COX7A2: variants seen among roughly 807,000 people sequenced by gnomAD.
The protein encoded by COX7A2 is cytochrome c oxidase subunit 7A2.
Under a neutral mutation model 11.6 loss-of-function variants are expected in COX7A2, and 11 were observed. The observed-to-expected ratio is 0.95, with a 90% CI of 0.60 to 1.57. The LOEUF is 1.57. Among genes scored for constraint, COX7A2 ranks in the 40% most tolerant of loss-of-function variants. The pLI, the probability that COX7A2 is intolerant of heterozygous loss-of-function variation, is 0.00. For missense variants in COX7A2, 106 were observed against 100.9 expected, an observed-to-expected ratio of 1.05 and a Z score of -0.22; for synonymous variants, 30 against 38.2, an observed-to-expected ratio of 0.78 and a Z score of 0.79.
At chr6:75,243,968 C>G, upstream of COX7A2, 1 of 716,658 alleles carries the variant, frequency 1.4e-6, no homozygotes, top group East Asian at 2.8e-5. Flanking sequence ...TCGTTCCTGA[C>G]CTTTTCGATG....
chr6:75,239,941 A>C (rs1432000505), intron 3 of COX7A2, among the ~76,000 whole-genome samples: 1 of 152,118 alleles, frequency 6.6e-6, no homozygotes, highest in Non-Finnish European at 1.5e-5. Context: ...GTCTCTACTA[A>C]AACTACAAAA....
chr6:75,244,110 A>C, upstream of COX7A2: 1 of 264,534 alleles, frequency 3.8e-6, no homozygotes. Flanking sequence ...TTGAGCGAGA[A>C]GGCGTAAAAC....
At chr6:75,249,073 TG>T (rs1415543283) in intron 1 of COX7A2, among the ~76,000 whole-genome samples, 4 of 152,096 alleles carry the variant, frequency 2.6e-5, no homozygotes, top group African/African-American at 9.7e-5. Context: ...CTGGCCAACA[TG>T]GTGAAACCCC....
At position 75,241,218 on chromosome 6, in the gene COX7A2, C is replaced by A; in HGVS notation, c.66G>T (p.Arg22Ser). The part of the protein sequence containing the change: ...GQRTISTASR[R>S]HFKNKVPEKQ... Reference sequence around the variant, plus strand: ...TCTCCGGAACTTTATTTTTAAAATGCCTGCGGGAAGCAGTGCTTATCGTCC... The same window carrying A: ...TCTCCGGAACTTTATTTTTAAAATGACTGCGGGAAGCAGTGCTTATCGTCC... Residue 22 changes from arginine (R) to serine (S), a missense_variant, in exon 2 of 4, where the codon AGG becomes AGT. By Grantham distance (110) the Arg-to-Ser change is moderately radical. Coordinates refer to ENST00000684430, the MANE Select transcript of COX7A2 (RefSeq NM_001366293.2). The A allele has an allele frequency of 1.3e-6, 2 of 1,596,040 alleles. No individual in the cohort carries two copies. Among genetic ancestry groups the A allele is most frequent in the African/African-American group, 1.3e-5 (1 of 74,926 alleles).
chr6:75,249,664 G>T (rs552116973), intron 1 of COX7A2, among the ~76,000 whole-genome samples: 8 of 152,360 alleles, frequency 5.3e-5, no homozygotes, highest in South Asian at 2.1e-4. Flanking sequence ...AGAAGACAGG[G>T]TGGCCAAATG....
At chr6:75,244,452 G>A (rs1300225693), upstream of COX7A2, among the ~76,000 whole-genome samples, 1 of 152,158 alleles carries the variant, frequency 6.6e-6, no homozygotes, top group Non-Finnish European at 1.5e-5. Context: ...TGGCGAATCT[G>A]GACTCAAAAG....
At chr6:75,243,863 G>A (rs755071531), upstream of COX7A2, 1 of 1,596,270 alleles carries the variant, frequency 6.3e-7, no homozygotes, top group Non-Finnish European at 8.6e-7. Context: ...GCCGAAGAGA[G>A]GCTTGCGCTC....
upstream of COX7A2, among the ~76,000 whole-genome samples, chr6:75,248,622 CAT>C (rs910483538): frequency 1.3e-5 from 2 of 152,220 alleles, no homozygotes; most frequent in African/African-American, 4.8e-5. Flanking sequence ...ACCTTGGGCA[CAT>C]GTTCCCAGGA....
rs771075237 is a variant in COX7A2 at position 75,243,741 on chromosome 6, T to G, written c.-7A>C. On this transcript the variant is annotated 5_prime_UTR_variant, in exon 1 of 4. Coordinates refer to ENST00000684430, the MANE Select transcript of COX7A2 (RefSeq NM_001366293.2). ...CCAGCAGATTCCGCAGCATCTTGGCTGTTACTGACCAGCAACCGCCACAAC... is the reference window on the plus strand; with the variant it reads ...CCAGCAGATTCCGCAGCATCTTGGCGGTTACTGACCAGCAACCGCCACAAC... 6.2e-7 allele frequency: 1 copy of G among 1,613,940 alleles called. No individual in the cohort carries two copies. The highest frequency in any genetic ancestry group is 1.3e-5 in the African/African-American group (1 of 75,034).
At chr6:75,241,142 T>C in intron 2 of COX7A2, 34 bp downstream of exon 2, 2 of 1,573,552 alleles carry the variant, frequency 1.3e-6, no homozygotes, top group Non-Finnish European at 1.7e-6. Flanking sequence ...ATCTAATAAT[T>C]ACAAGTAACA....
At chr6:75,243,415 C>G (rs1452072112) in intron 1 of COX7A2, among the ~76,000 whole-genome samples, 1 of 152,104 alleles carries the variant, frequency 6.6e-6, no homozygotes, top group African/African-American at 2.4e-5. Context: ...CAGATCGGAG[C>G]TACTAACCTC....
upstream of COX7A2, chr6:75,244,060 C>A: frequency 2.5e-6 from 1 of 401,870 alleles, no homozygotes; most frequent in African/African-American, 2.0e-5. Flanking sequence ...TAGATGAAGT[C>A]AATGTGAGAC....
At chr6:75,240,596 CTTCT>C (rs1272941512) in intron 2 of COX7A2, 62 of 449,320 alleles carry the variant, frequency 1.4e-4, no homozygotes, top group Admixed American at 3.2e-4. Flanking sequence ...AGTCAGCATT[CTTCT>C]TTCACCGTTA....
At position 75,238,057 on chromosome 6, in the gene COX7A2, C is replaced by T. The variant is rs1166960070; in HGVS notation, c.194-69G>A. 4.5e-6 allele frequency: 5 copies of T among 1,113,028 alleles called. No homozygotes were observed. The East Asian group carries it at 7.9e-5, about 18-fold the overall frequency. The allele number at this position is 1,113,028 out of a possible 1,614,324, so 68.9% of individuals were successfully genotyped here. On this transcript the variant is annotated intron_variant, in intron 3 of 3. Transcript: ENST00000684430. ...ATCTAAGTGTATAAATTTAATATTC[C>T]AGTTCAAAAGTTGTAAGTTTGCATT...
At chr6:75,244,013 A>G (rs1193824309), upstream of COX7A2, 3 of 543,750 alleles carry the variant, frequency 5.5e-6, no homozygotes, top group African/African-American at 5.7e-5. Flanking sequence ...AAGGCTGGGG[A>G]AAAAGCAAAC....
intron 1 of COX7A2, among the ~76,000 whole-genome samples, chr6:75,249,039 C>A (rs965583998): frequency 3.3e-5 from 5 of 152,102 alleles, no homozygotes. Flanking sequence ...GGGCAGATCA[C>A]GAGGTCAAGA....
chr6:75,245,689 T>C (rs1325178642), upstream of COX7A2, among the ~76,000 whole-genome samples: 1 of 152,216 alleles, frequency 6.6e-6, no homozygotes, highest in African/African-American at 2.4e-5. Context: ...TTGTCTCTCC[T>C]TCTCCTCCTC....
intron 1 of COX7A2, 125 bp from the exon 2 acceptor site, chr6:75,241,390 C>A: frequency 1.3e-6 from 1 of 771,520 alleles, no homozygotes; most frequent in Non-Finnish European, 1.9e-6. Context: ...TTGTCAGCAG[C>A]AAAGTCATGC....
chr6:75,246,952 G>T (rs1434522673), upstream of COX7A2, among the ~76,000 whole-genome samples: 1 of 152,152 alleles, frequency 6.6e-6, no homozygotes, highest in East Asian at 1.9e-4. Context: ...CAAAACATCA[G>T]TTTGGGGTTC....
Sources: gnomAD v4.1 joint callset for allele counts (sites outside exome capture counted in the v4.1 genomes callset) on GRCh38, gnomAD v4.1.1 for gene constraint, MANE v1.5 for transcripts, NCBI Gene and HGNC (gene_info 2026-07-23, HGNC 2026-07-21) for gene names.